CTNNA2: variants seen among roughly 807,000 people sequenced by gnomAD.
CTNNA2 encodes the protein catenin alpha 2, also known as catenin alpha-2.
Under a neutral mutation model 101.0 loss-of-function variants are expected in CTNNA2, and 42 were observed. That is an observed-to-expected ratio of 0.42 (90% confidence interval 0.32 to 0.54). The LOEUF (loss-of-function observed/expected upper bound fraction) is 0.54, where lower values mean the gene tolerates loss of function less well. Ranked by LOEUF, CTNNA2 falls within the 20% of genes least tolerant of loss-of-function variation. The probability of loss-of-function intolerance (pLI) is 0.14; values close to 1 mark genes in which losing one functional copy is unlikely to be tolerated. For missense variants in CTNNA2, 871 were observed against 1,223.1 expected (o/e 0.71, Z 4.29); for synonymous variants, 450 against 456.4 (o/e 0.99, Z 0.18).
intron 18 of CTNNA2, among the ~76,000 whole-genome samples, chr2:80,637,415 G>C (rs866757127): frequency 6.6e-6 from 1 of 151,552 alleles, no homozygotes; most frequent in South Asian, 2.1e-4. Flanking sequence ...TTTAAGTCTA[G>C]AGTCCAGGTT....
rs1414352358 is a variant in CTNNA2, at chr2:80,140,539, C to T, written c.1056+230742C>T. Among the ~76,000 whole-genome samples, 5 of 152,080 alleles carry T rather than the reference C, an allele frequency of 3.3e-5. No homozygotes were observed. In the South Asian group the frequency reaches 6.2e-4, roughly 19 times the overall value. On this transcript the variant is annotated intron_variant, in intron 7 of 18. Coordinates refer to ENST00000402739, the MANE Select transcript of CTNNA2 (RefSeq NM_001282597.3). Reference sequence around the variant, plus strand: ...ATTTCTCATGTGAGAGGTGCTTGTACGTCCCACATTTGAAACAGATGCTCC... The same window carrying T: ...ATTTCTCATGTGAGAGGTGCTTGTATGTCCCACATTTGAAACAGATGCTCC...
At chr2:79,856,329 C>G in intron 3 of CTNNA2, among the ~76,000 whole-genome samples, 1 of 152,172 alleles carries the variant, frequency 6.6e-6, no homozygotes, top group East Asian at 1.9e-4. Context: ...TTCTGATCGG[C>G]CTATAAAATG....
At chr2:80,041,052 C>A (rs148796412) in intron 7 of CTNNA2, among the ~76,000 whole-genome samples, 1,598 of 151,060 alleles carry the variant, frequency 0.011, 31 homozygotes, top group African/African-American at 0.036. Context: ...CTAAAGATCT[C>A]CACAATATTT....
At chr2:79,794,625 ATATTTTATCAT>A (rs2105268654) in intron 3 of CTNNA2, among the ~76,000 whole-genome samples, 1 of 152,248 alleles carries the variant, frequency 6.6e-6, no homozygotes, top group Non-Finnish European at 1.5e-5. Context: ...TAAGCGTACA[ATATTTTATCAT>A]TAATTATAGG....
intron 12 of CTNNA2, among the ~76,000 whole-genome samples, chr2:80,559,715 A>G (rs1282458750): frequency 6.6e-6 from 1 of 152,128 alleles, no homozygotes; most frequent in Non-Finnish European, 1.5e-5. Flanking sequence ...CTTACATGGC[A>G]TATTTGATGG....
intron 2 of CTNNA2, among the ~76,000 whole-genome samples, chr2:79,217,099 G>A (rs1449834636): frequency 6.6e-6 from 1 of 152,198 alleles, no homozygotes; most frequent in Non-Finnish European, 1.5e-5. Context: ...AATATTGAAA[G>A]GAGATAGTGG....
chr2:79,559,673 A>G (rs1365672911), intron 1 of CTNNA2, among the ~76,000 whole-genome samples: 2 of 151,902 alleles, frequency 1.3e-5, no homozygotes, highest in Non-Finnish European at 1.5e-5. Context: ...TTGGATGGAC[A>G]GAGAGTACGT....
chr2:79,240,138 C>G (rs1005635413), intron 2 of CTNNA2, among the ~76,000 whole-genome samples: 2 of 151,502 alleles, frequency 1.3e-5, no homozygotes, highest in Non-Finnish European at 2.9e-5. Context: ...GAACTCCCAG[C>G]CTCAAGTGAC....
intron 7 of CTNNA2, among the ~76,000 whole-genome samples, chr2:80,146,265 G>A (rs62140132): frequency 2.6e-5 from 4 of 152,196 alleles, no homozygotes; most frequent in South Asian, 2.1e-4. Context: ...TGTCCCTGGC[G>A]AACTCTGCCA....
intron 1 of CTNNA2, among the ~76,000 whole-genome samples, chr2:79,617,083 T>A (rs913153516): frequency 6.6e-6 from 1 of 152,060 alleles, no homozygotes; most frequent in Non-Finnish European, 1.5e-5. Flanking sequence ...TTTGTATTTT[T>A]AGTAGAGACG....
At chr2:79,961,352 C>T (rs1689612047) in intron 7 of CTNNA2, among the ~76,000 whole-genome samples, 1 of 152,170 alleles carries the variant, frequency 6.6e-6, no homozygotes. Flanking sequence ...CACTCTATCA[C>T]TCTATCACCC....
intron 1 of CTNNA2, chr2:79,575,446 T>G (rs1675732461): frequency 6.6e-6 from 1 of 152,184 alleles, no homozygotes; most frequent in Non-Finnish European, 1.5e-5. Context: ...TGAAACTTCC[T>G]TTTTTCTCTA....
At chr2:79,816,235 A>G (rs936513827) in intron 3 of CTNNA2, among the ~76,000 whole-genome samples, 15 of 152,004 alleles carry the variant, frequency 9.9e-5, no homozygotes, top group African/African-American at 3.1e-4. Flanking sequence ...ACTGATTTGG[A>G]TGCTCTTTAT....
chr2:79,884,485 C>T (rs1362277370), intron 6 of CTNNA2, among the ~76,000 whole-genome samples: 2 of 152,168 alleles, frequency 1.3e-5, no homozygotes, highest in Non-Finnish European at 2.9e-5. Context: ...TTATTTTCTA[C>T]TTTTCGAATA....
At chr2:80,378,288 G>A (rs1377474466) in intron 7 of CTNNA2, among the ~76,000 whole-genome samples, 1 of 151,566 alleles carries the variant, frequency 6.6e-6, no homozygotes, top group African/African-American at 2.4e-5. Flanking sequence ...CGCAGGAGAC[G>A]GAGCTTGCAG....
intron 6 of CTNNA2, among the ~76,000 whole-genome samples, chr2:79,876,594 G>T (rs1683042912): frequency 6.6e-6 from 1 of 152,142 alleles, no homozygotes; most frequent in Non-Finnish European, 1.5e-5. Context: ...AACAGTCCAG[G>T]AACTTCAGCT....
intron 7 of CTNNA2, among the ~76,000 whole-genome samples, chr2:80,326,402 G>T (rs1162293829): frequency 6.6e-6 from 1 of 152,148 alleles, no homozygotes; most frequent in East Asian, 1.9e-4. Flanking sequence ...TCCTCCAGCA[G>T]ATGGCAACTC....
At chr2:80,335,339 T>G (rs1573755062) in intron 7 of CTNNA2, among the ~76,000 whole-genome samples, 1 of 152,000 alleles carries the variant, frequency 6.6e-6, no homozygotes, top group South Asian at 2.1e-4. Flanking sequence ...ATGGCAGACG[T>G]TTTGAACTGG....
chr2:80,602,311 A>T (rs111995935), intron 15 of CTNNA2, among the ~76,000 whole-genome samples: 1 of 152,054 alleles, frequency 6.6e-6, no homozygotes, highest in African/African-American at 2.4e-5. Context: ...AAGCAGATTC[A>T]GGATCTATAT....
Sources: allele counts gnomAD v4.1 joint callset (sites outside exome capture counted in the v4.1 genomes callset), GRCh38; gene constraint gnomAD v4.1.1; transcripts MANE v1.5; gene names NCBI Gene and HGNC (gene_info 2026-07-23, HGNC 2026-07-21).